Variants in ADGRB2 observed in about 807,000 individuals in gnomAD.
The protein encoded by ADGRB2 is brain-specific angiogenesis inhibitor 2.
ADGRB2 carries 47 observed loss-of-function variants against 178.7 expected under a neutral mutation model. That is an observed-to-expected ratio of 0.26 (90% CI 0.21 to 0.34). The LOEUF (loss-of-function observed/expected upper bound fraction) is 0.34. Ranked by LOEUF, ADGRB2 falls within the 10% of genes least tolerant of loss-of-function variation. The pLI is 1.00. For synonymous variants in ADGRB2, 870 were observed against 912.4 expected (o/e 0.95, Z 0.84); for missense variants, 1,584 against 2,180.8 (o/e 0.73, Z 5.45).
In ADGRB2 at chr1:31,728,399, C is replaced by A. The variant is rs111875537; in HGVS notation, c.4417-119G>T. The A allele has an allele frequency of 5.0e-3, 6,552 of 1,317,528 alleles. 43 individuals are homozygous for A. Among genetic ancestry groups the A allele is most frequent in the East Asian group, 0.022 (924 of 42,202 alleles). 81.6% of individuals were successfully genotyped at this position (1,317,528 alleles called of 1,614,324 possible). ...CTCCCTGCTGCCAGCCCCTCTGGGA[C>A]AAGACCTAGTTCTCTCTTCACGTTG... On this transcript the variant is annotated intron_variant, in intron 30 of 32. Transcript: ENST00000373658. This position sits in a 1 kb window ranked among gnomAD's most constrained non-coding sequence, Gnocchi z 6.7.
At position 31,761,024 on chromosome 1, in the gene ADGRB2, G is replaced by C. The variant is rs1357988813; in HGVS notation, c.-191+2860C>G. The C allele has an allele frequency of 1.3e-5, 2 of 150,928 alleles. No individual in the cohort carries two copies. Among genetic ancestry groups the C allele is most frequent in the African/African-American group, 4.9e-5 (2 of 41,034 alleles). The allele number at this position is 150,928 out of a possible 1,614,324, so 9.3% of individuals were successfully genotyped here. ...GGGGCAGCCCTCGGCCCCTGGGGGC[G>C]GTGCCGCGCGGGCGGCGGGGGAGGG... On this transcript the variant is annotated intron_variant, in intron 1 of 32. Transcript: ENST00000373658. The surrounding 1 kb of genome is among the most constrained non-coding windows in gnomAD (Gnocchi z 4.2).
rs1557770046 is a variant in ADGRB2 at position 31,744,414 on chromosome 1, T to C, written c.923-57A>G. 10 of 1,538,552 alleles carry C rather than the reference T, an allele frequency of 6.5e-6. No individual in the cohort carries two copies. The highest frequency in any genetic ancestry group is 1.4e-5 in the African/African-American group (1 of 72,500). On this transcript the variant is annotated intron_variant, in intron 5 of 32. Coordinates refer to ENST00000373658, the MANE Select transcript of ADGRB2 (RefSeq NM_001364857.2). The surrounding 1 kb of genome is among the most constrained non-coding windows in gnomAD (Gnocchi z 6.7). ...GGCACCTCCCAAGCACTCAGTCTCA[T>C]AGGGATAGGGGGAGTGGCAGTAAGG...
intron 4 of ADGRB2, among the ~76,000 whole-genome samples, chr1:31,745,147 C>A (rs1646208697): frequency 6.6e-6 from 1 of 152,220 alleles, no homozygotes; most frequent in African/African-American, 2.4e-5. Flanking sequence ...AGGGGAAGTG[C>A]CTTGTCCAAG....
rs777858185 is a variant in ADGRB2 at position 31,737,722 on chromosome 1, G to C, written c.2806C>G (p.Leu936Val). Residue 936 changes from leucine to valine, a missense_variant, in exon 19 of 33, where the codon CTG (leucine) becomes GTG (valine). Leu to Val is a conservative substitution (Grantham distance 32). Coordinates refer to ENST00000373658, the MANE Select transcript of ADGRB2 (RefSeq NM_001364857.2). ...LELAGSPSVPLVIGCAVSCMA... is the reference protein window; with the variant it reads ...LELAGSPSVPVVIGCAVSCMA... ...CACGACACTGCACAGCCGATCACCA[G>C]GGGGACCGAGGGGGAGCCCGCCAGC... 3 of 1,613,664 alleles carry C rather than the reference G, an allele frequency of 1.9e-6. No individual in the cohort carries two copies. In the South Asian group the frequency reaches 3.3e-5, roughly 18 times the overall value.
At chr1:31,748,471 A>G (rs1646389869) in intron 4 of ADGRB2, among the ~76,000 whole-genome samples, 1 of 152,272 alleles carries the variant, frequency 6.6e-6, no homozygotes, top group African/African-American at 2.4e-5. Context: ...CAGAGGTGTC[A>G]TTTACTGAAA....
rs145689822 is a variant in ADGRB2 at position 31,740,895 on chromosome 1, GCACA to G, written c.1795-358_1795-355del. ...AATGAGCATGTGTGTGGGCGCGCGC[GCACA>G]CACACACACACACACACACACACAC... On this transcript the variant is annotated intron_variant, in intron 11 of 32. Coordinates refer to ENST00000373658, the MANE Select transcript of ADGRB2 (RefSeq NM_001364857.2). This position sits in a 1 kb window ranked among gnomAD's most constrained non-coding sequence, Gnocchi z 5.9. Among the ~76,000 whole-genome samples the G allele has an allele frequency of 1.0e-3, 145 of 140,472 alleles. No individual in the cohort carries two copies. The highest frequency in any genetic ancestry group is 2.8e-3 in the African/African-American group (107 of 37,550). The allele number at this position is 140,472 out of a possible 152,430, so 92.2% of individuals were successfully genotyped here.
Position 31,759,227 on chromosome 1 carries a change from A to G in ADGRB2, c.-190-1716T>C, listed in dbSNP as rs1646967028. ...AACCCACAGATTCATGCTGTCACACACACTCAGGAGTTAACACGCACACAC... is the reference window on the plus strand; with the variant it reads ...AACCCACAGATTCATGCTGTCACACGCACTCAGGAGTTAACACGCACACAC... On this transcript the variant is annotated intron_variant, in intron 1 of 32. Coordinates refer to ENST00000373658, the MANE Select transcript of ADGRB2 (RefSeq NM_001364857.2). This position sits in a 1 kb window ranked among gnomAD's most constrained non-coding sequence, Gnocchi z 4.3. 1.3e-6 allele frequency: 1 copy of G among 762,854 alleles called. No homozygotes were observed. The highest frequency in any genetic ancestry group is 2.4e-5 in the East Asian group (1 of 40,916). The allele number at this position is 762,854 out of a possible 1,614,324, so 47.3% of individuals were successfully genotyped here.
chr1:31,736,427 G>A (rs769526933), intron 21 of ADGRB2, 37 bp from the exon 22 acceptor site: 2 of 1,611,836 alleles, frequency 1.2e-6, no homozygotes, highest in South Asian at 1.1e-5. Context: ...GATGGTTGCT[G>A]GTCTTCAGGG....
intron 7 of ADGRB2, 116 bp downstream of exon 7, chr1:31,742,722 G>T: frequency 8.1e-7 from 1 of 1,230,536 alleles, no homozygotes; most frequent in Non-Finnish European, 1.1e-6. Context: ...CCCATGCTTG[G>T]TCAAAGTTTA....
At chr1:31,742,741 C>T in intron 7 of ADGRB2, 97 bp downstream of exon 7, 1 of 1,339,250 alleles carries the variant, frequency 7.5e-7, no homozygotes, top group Non-Finnish European at 9.7e-7. Flanking sequence ...TAAGGGGCCC[C>T]CAGGGGCAGG....
intron 18 of ADGRB2, 141 bp from the exon 19 acceptor site, chr1:31,737,896 A>G: frequency 3.6e-6 from 3 of 824,498 alleles, no homozygotes; most frequent in Non-Finnish European, 3.8e-6. Flanking sequence ...ATGTATGCAC[A>G]GAACAGACCC....
At chr1:31,763,489 G>A (rs1216899387) in intron 1 of ADGRB2, among the ~76,000 whole-genome samples, 2 of 136,502 alleles carry the variant, frequency 1.5e-5, no homozygotes, top group Admixed American at 1.5e-4. Context: ...CAGTTGAGCT[G>A]CAGGTTAATG....
At chr1:31,729,915 C>T (rs1478554204) in intron 29 of ADGRB2, among the ~76,000 whole-genome samples, 1 of 152,250 alleles carries the variant, frequency 6.6e-6, no homozygotes, top group Non-Finnish European at 1.5e-5. Flanking sequence ...TCCAGAAACA[C>T]TTTGGGAGAA....
Position 31,742,109 on chromosome 1 carries a change from G to T in ADGRB2, c.1361C>A (p.Ala454Asp). ...GTCAGTGAGGGCACCCGTGCATGTGGCCCAGGCTGGGCCCGCCACGCTGCA... is the reference window on the plus strand; with the variant it reads ...GTCAGTGAGGGCACCCGTGCATGTGTCCCAGGCTGGGCCCGCCACGCTGCA... ...RKCSVAGPAW[A>D]TCTGALTDTR... The change falls in exon 8 of 33, where the codon GCC (alanine) becomes GAC (aspartate). Residue 454 changes from alanine (A) to aspartate (D), a missense_variant. Physicochemically the swap from Ala to Asp is moderately radical, Grantham distance 126. Coordinates refer to ENST00000373658, the MANE Select transcript of ADGRB2 (RefSeq NM_001364857.2). 6.2e-7 allele frequency: 1 copy of T among 1,613,154 alleles called. No individual in the cohort carries two copies. Among genetic ancestry groups the T allele is most frequent in the Non-Finnish European group, 8.5e-7 (1 of 1,179,830 alleles).
chr1:31,763,746 A>G, intron 1 of ADGRB2, 138 bp downstream of exon 1: 1 of 972,244 alleles, frequency 1.0e-6, no homozygotes, highest in African/African-American at 1.8e-5. Context: ...ACGCTGAACG[A>G]ACTCAGTTCG....
Position 31,732,995 on chromosome 1 carries a change from C to T in ADGRB2, c.3601G>A (p.Val1201Met), listed in dbSNP as rs867954113. The T allele has an allele frequency of 2.6e-6, 4 of 1,563,234 alleles. No individual in the cohort carries two copies. Among genetic ancestry groups the T allele is most frequent in the Non-Finnish European group, 3.5e-6 (4 of 1,154,064 alleles). ...ACCTCTCGGCGCAGGAAGCAGTGCA[C>T]AGCAGTGATGACAAAGCCCTGCGCG... Reference protein sequence around the residue: ...NSAQGFVITAVHCFLRREVQD... With the variant: ...NSAQGFVITAMHCFLRREVQD... The change falls in exon 26 of 33, where the codon GTG becomes ATG. Residue 1201 changes from valine (V) to methionine (M), a missense_variant. By Grantham distance (21) the Val-to-Met change is conservative (BLOSUM62 1). Around this residue, in one of 3 missense-constraint regions of ADGRB2, gnomAD observed 865 missense variants for 1,192.8 expected, o/e 0.73. Transcript: ENST00000373658.
rs958723135 is a variant in ADGRB2 at position 31,728,461 on chromosome 1, G to C, written c.4416+137C>G. 29 of 1,417,164 alleles carry C rather than the reference G, an allele frequency of 2.0e-5. No individual in the cohort carries two copies. Among genetic ancestry groups the C allele is most frequent in the Non-Finnish European group, 2.8e-5 (28 of 1,005,848 alleles). 87.8% of individuals were successfully genotyped at this position (1,417,164 alleles called of 1,614,324 possible). ...TTGGGCAGGGAGGGAATCATGGGAA[G>C]ATCCCACGGAACCCCCGGGCTTGGG... On this transcript the variant is annotated intron_variant, in intron 30 of 32. Coordinates refer to ENST00000373658, the MANE Select transcript of ADGRB2 (RefSeq NM_001364857.2). The surrounding 1 kb of genome is among the most constrained non-coding windows in gnomAD (Gnocchi z 6.7).
intron 25 of ADGRB2, among the ~76,000 whole-genome samples, chr1:31,734,520 C>A (rs534587478): frequency 3.2e-4 from 48 of 152,222 alleles, no homozygotes; most frequent in Non-Finnish European, 6.0e-4. Flanking sequence ...TGCAGGTGTG[C>A]AAGATAAAGC....
chr1:31,728,166 C>T lies in ADGRB2; in HGVS notation c.4515+16G>A, dbSNP rs199639016. 2.1e-4 allele frequency: 338 copies of T among 1,613,940 alleles called. 1 individual carries two copies. The highest frequency in any genetic ancestry group is 2.5e-4 in the Non-Finnish European group (296 of 1,180,000). On this transcript the variant is annotated intron_variant, in intron 31 of 32. Coordinates refer to ENST00000373658, the MANE Select transcript of ADGRB2 (RefSeq NM_001364857.2). The surrounding 1 kb of genome is among the most constrained non-coding windows in gnomAD (Gnocchi z 6.7). ...CTGAGCTTCAGGGCAGGGGCAGCCA[C>T]GGGAGGAGCCCTCACCTTGGCCGTG...
Sources: gnomAD v4.1 joint callset for allele counts (sites outside exome capture counted in the v4.1 genomes callset) on GRCh38, gnomAD v4.1.1 for gene constraint, gnomAD v4.1.1 regional missense constraint, Gnocchi (gnomAD v3.1) non-coding constraint, MANE v1.5 for transcripts, NCBI Gene and HGNC (gene_info 2026-07-23, HGNC 2026-07-21) for gene names.